Variants in GRIK2 observed in about 807,000 individuals in gnomAD.
GRIK2 encodes the protein glutamate receptor ionotropic, kainate 2.
GRIK2 carries 32 observed loss-of-function variants against 100.3 expected under a neutral mutation model. The observed-to-expected ratio is 0.32, with a 90% CI of 0.24 to 0.43. GRIK2 has a LOEUF of 0.43. GRIK2 is among the 20% of genes least tolerant of loss of function. GRIK2 has a pLI of 1.00. For synonymous variants in GRIK2, 417 were observed against 389.4 expected (o/e 1.07, Z -0.83); for missense variants, 843 against 1,114.9 (o/e 0.76, Z 3.47).
At chr6:101,548,902 G>A (rs962619399) in intron 2 of GRIK2, among the ~76,000 whole-genome samples, 5 of 152,060 alleles carry the variant, frequency 3.3e-5, no homozygotes, top group Admixed American at 6.6e-5. Flanking sequence ...CCTCTGTATG[G>A]CCTCAGAGAA....
At chr6:101,881,622 G>T (rs1047771267) in intron 11 of GRIK2, among the ~76,000 whole-genome samples, 1 of 151,498 alleles carries the variant, frequency 6.6e-6, no homozygotes, top group Non-Finnish European at 1.5e-5. Context: ...AAAGTAACTT[G>T]TCTAGTGCAT....
intron 10 of GRIK2, among the ~76,000 whole-genome samples, chr6:101,848,836 TTAGAG>T (rs1199715714): frequency 6.6e-6 from 1 of 152,118 alleles, no homozygotes; most frequent in African/African-American, 2.4e-5. Context: ...GTGTTGCTTA[TTAGAG>T]TAATGAGTTG....
intron 7 of GRIK2, among the ~76,000 whole-genome samples, chr6:101,772,443 A>G (rs1037459633): frequency 6.6e-6 from 1 of 152,166 alleles, no homozygotes; most frequent in African/African-American, 2.4e-5. Flanking sequence ...CCACTGAGTT[A>G]CTAGGACCAT....
intron 2 of GRIK2, among the ~76,000 whole-genome samples, chr6:101,446,356 A>G (rs759443800): frequency 4.6e-5 from 7 of 151,936 alleles, no homozygotes; most frequent in Non-Finnish European, 1.0e-4. Context: ...CTTTTTATCT[A>G]TGCAGCTCAT....
intron 2 of GRIK2, among the ~76,000 whole-genome samples, chr6:101,415,602 C>G (rs1222677205): frequency 1.3e-5 from 2 of 151,988 alleles, no homozygotes; most frequent in African/African-American, 2.4e-5. Context: ...GATCTCCTGA[C>G]CTCGTGATCC....
chr6:101,788,435 C>A (rs556736100), intron 7 of GRIK2, among the ~76,000 whole-genome samples: 54 of 152,104 alleles, frequency 3.6e-4, no homozygotes, highest in Middle Eastern at 3.4e-3. Flanking sequence ...GTTCAATTCC[C>A]ATCTATGAGT....
chr6:101,793,090 A>T (rs77280289), intron 7 of GRIK2, among the ~76,000 whole-genome samples: 19,718 of 152,008 alleles, frequency 0.13, 1,348 homozygotes, highest in Admixed American at 0.17. Flanking sequence ...TGTATTGTTT[A>T]TTCTATTTAT....
chr6:101,769,736 G>T (rs968456581), intron 7 of GRIK2, among the ~76,000 whole-genome samples: 1 of 152,104 alleles, frequency 6.6e-6, no homozygotes, highest in Non-Finnish European at 1.5e-5. Flanking sequence ...AGTGAGAGAG[G>T]CCCTCTAAAA....
At chr6:101,750,230 A>AATT (rs1346591631) in intron 7 of GRIK2, among the ~76,000 whole-genome samples, 1 of 152,168 alleles carries the variant, frequency 6.6e-6, no homozygotes, top group African/African-American at 2.4e-5. Context: ...CTGAGGCTTA[A>AATT]AGGGACCAAG....
At chr6:101,758,269 G>A (rs1295720589) in intron 7 of GRIK2, among the ~76,000 whole-genome samples, 2 of 152,222 alleles carry the variant, frequency 1.3e-5, no homozygotes, top group East Asian at 3.9e-4. Context: ...GGTAGGTTGA[G>A]TATAAAGTAT....
intron 7 of GRIK2, among the ~76,000 whole-genome samples, chr6:101,740,608 A>G (rs1403907076): frequency 6.6e-6 from 1 of 152,176 alleles, no homozygotes; most frequent in Non-Finnish European, 1.5e-5. Flanking sequence ...GTTTTTATAA[A>G]GGAATACCTT....
intron 10 of GRIK2, 64 bp downstream of exon 10, chr6:101,818,547 G>C: frequency 1.1e-6 from 1 of 877,272 alleles, no homozygotes; most frequent in Non-Finnish European, 1.9e-6. Flanking sequence ...GCATAGAAAA[G>C]GACATTATAA....
chr6:101,919,007 A>G (rs539216790), intron 12 of GRIK2, among the ~76,000 whole-genome samples: 80 of 151,920 alleles, frequency 5.3e-4, no homozygotes, highest in Admixed American at 2.2e-3. Context: ...GAGGAAGAGG[A>G]CTTTTCACTT....
At chr6:101,858,521 G>A (rs1224850509) in intron 10 of GRIK2, among the ~76,000 whole-genome samples, 2 of 150,726 alleles carry the variant, frequency 1.3e-5, no homozygotes, top group African/African-American at 4.9e-5. Flanking sequence ...TGAATAGCTG[G>A]GACTACAGGC....
At chr6:101,887,454 T>C (rs957777850) in intron 11 of GRIK2, among the ~76,000 whole-genome samples, 7 of 150,504 alleles carry the variant, frequency 4.7e-5, no homozygotes, top group African/African-American at 9.8e-5. Context: ...AATTGTGCTG[T>C]GTAGTCAACC....
At chr6:101,464,648 C>CT (rs1771542772) in intron 2 of GRIK2, among the ~76,000 whole-genome samples, 1 of 151,544 alleles carries the variant, frequency 6.6e-6, no homozygotes, top group Non-Finnish European at 1.5e-5. Flanking sequence ...TCCCGAATAG[C>CT]TGGGACTACA....
intron 2 of GRIK2, among the ~76,000 whole-genome samples, chr6:101,449,001 T>C (rs901553042): frequency 2.0e-5 from 3 of 151,604 alleles, no homozygotes; most frequent in African/African-American, 7.2e-5. Context: ...GCAGAGAATA[T>C]ACTGGAAAGA....
At chr6:101,864,572 A>G (rs184336784) in intron 11 of GRIK2, among the ~76,000 whole-genome samples, 2 of 152,216 alleles carry the variant, frequency 1.3e-5, no homozygotes, top group Non-Finnish European at 2.9e-5. Flanking sequence ...CTAAGTTGGG[A>G]CATGAATGCA....
chr6:101,913,211 C>T (rs1047755887), intron 12 of GRIK2, among the ~76,000 whole-genome samples: 3 of 151,478 alleles, frequency 2.0e-5, no homozygotes, highest in East Asian at 3.9e-4. Flanking sequence ...AAAATACACA[C>T]GGAAGAACAG....
Sources: allele counts gnomAD v4.1 joint callset (sites outside exome capture counted in the v4.1 genomes callset), GRCh38; gene constraint gnomAD v4.1.1; transcripts MANE v1.5; gene names NCBI Gene and HGNC (gene_info 2026-07-23, HGNC 2026-07-21).